Variants in LHFPL1 observed in about 807,000 individuals in gnomAD.
The protein encoded by LHFPL1 is LHFPL tetraspan subfamily member 1 protein.
LHFPL1 carries 4 observed loss-of-function variants against 12.1 expected under a neutral mutation model. The ratio of observed to expected loss-of-function variants is 0.33; its 90% CI spans 0.16 to 0.76. The LOEUF is 0.76. Among genes scored for constraint, LHFPL1 ranks in the 30% least tolerant of loss-of-function variants. The pLI, the probability that LHFPL1 is intolerant of heterozygous loss-of-function variation, is 0.61. For missense variants in LHFPL1, 141 were observed against 174.1 expected (o/e 0.81, Z 1.07); for synonymous variants, 52 against 61.9 (o/e 0.84, Z 0.75).
intron 2 of LHFPL1, among the ~76,000 whole-genome samples, chrX:112,661,215 C>A (rs905098443): frequency 9.0e-6 from 1 of 111,294 alleles, no homozygotes; most frequent in African/African-American, 3.3e-5. Flanking sequence ...ACTCCTCCCC[C>A]GATAAATCAT....
chrX:112,653,233 T>G (rs778972477), intron 3 of LHFPL1, among the ~76,000 whole-genome samples: 3 of 111,783 alleles, frequency 2.7e-5, no homozygotes, highest in African/African-American at 9.7e-5. Flanking sequence ...ATGATAGCAA[T>G]TATTATTACG....
intron 3 of LHFPL1, among the ~76,000 whole-genome samples, chrX:112,644,361 T>C (rs1008689886): frequency 1.8e-5 from 2 of 111,799 alleles, no homozygotes; most frequent in Non-Finnish European, 3.8e-5. Context: ...TAGTTTTTAT[T>C]GTACATTTTT....
rs956640255 is a variant in LHFPL1, at chrX:112,660,524, G to C, written c.481+103C>G. 8 of 619,543 alleles carry C rather than the reference G, an allele frequency of 1.3e-5. No individual in the cohort carries two copies. In the Admixed American group the frequency reaches 1.7e-4, roughly 13 times the overall value. The allele number at this position is 619,543 out of a possible 1,213,427, so 51.1% of individuals were successfully genotyped here. A position where few individuals can be genotyped will look rare whatever the true frequency, so the allele number is the denominator to read the frequency against. Reference sequence around the variant, plus strand: ...TCCCATAAGCTAACACAGTGAGAGAGATTCAGGCAAGTACCACTAGCAGAG... The same window carrying C: ...TCCCATAAGCTAACACAGTGAGAGACATTCAGGCAAGTACCACTAGCAGAG... On this transcript the variant is annotated intron_variant, in intron 3 of 3. Transcript: ENST00000371968.
intron 2 of LHFPL1, among the ~76,000 whole-genome samples, chrX:112,670,709 A>G (rs1463115126): frequency 8.9e-6 from 1 of 112,336 alleles, no homozygotes; most frequent in East Asian, 2.8e-4. Flanking sequence ...TGGAAGGCAG[A>G]CATATTAATA....
At position 112,674,972 on chromosome X, in the gene LHFPL1, G is replaced by A. The variant is rs781248828; in HGVS notation, c.-14-3568C>T. Among the ~76,000 whole-genome samples, 191 of 111,600 alleles carry A rather than the reference G, an allele frequency of 1.7e-3. 2 individuals carry two copies. The highest frequency in any genetic ancestry group is 5.8e-3 in the African/African-American group (177 of 30,711). On this transcript the variant is annotated intron_variant, in intron 1 of 3. Coordinates refer to ENST00000371968, the MANE Select transcript of LHFPL1 (RefSeq NM_178175.4). ...GAGAAAAAGAAGTCATTATTGCAGCGACCTGGATGAGATTGGAGACTATTA... is the reference window on the plus strand; with the variant it reads ...GAGAAAAAGAAGTCATTATTGCAGCAACCTGGATGAGATTGGAGACTATTA...
chrX:112,632,289 G>C (rs1274459123), intron 3 of LHFPL1, among the ~76,000 whole-genome samples: 1 of 111,715 alleles, frequency 9.0e-6, no homozygotes, highest in Non-Finnish European at 1.9e-5. Context: ...GAAGTGGGTA[G>C]TTTTCTCTTT....
At chrX:112,642,873 C>A (rs769581178) in intron 3 of LHFPL1, among the ~76,000 whole-genome samples, 29 of 110,854 alleles carry the variant, frequency 2.6e-4, no homozygotes, top group Non-Finnish European at 4.5e-4. Flanking sequence ...CTTTAAGCAC[C>A]TCACTATTTT....
chrX:112,637,775 C>G (rs1036368316), intron 3 of LHFPL1, among the ~76,000 whole-genome samples: 3 of 111,965 alleles, frequency 2.7e-5, no homozygotes, highest in African/African-American at 9.7e-5. Flanking sequence ...ATAATGACAA[C>G]TAACACCTCC....
At chrX:112,664,223 G>A (rs1047536149) in intron 2 of LHFPL1, among the ~76,000 whole-genome samples, 8 of 112,085 alleles carry the variant, frequency 7.1e-5, no homozygotes, top group Non-Finnish European at 1.5e-4. Context: ...CTACAGATAC[G>A]GAAGGCTGAC....
chrX:112,663,579 T>C (rs898504729), intron 2 of LHFPL1, among the ~76,000 whole-genome samples: 2 of 111,651 alleles, frequency 1.8e-5, no homozygotes, highest in Admixed American at 9.5e-5. Context: ...GTTACAGATG[T>C]GAATGTTGAA....
At chrX:112,637,479 AT>A (rs967001510) in intron 3 of LHFPL1, among the ~76,000 whole-genome samples, 1 of 111,725 alleles carries the variant, frequency 9.0e-6, no homozygotes, top group African/African-American at 3.3e-5. Context: ...GGGCATCAAA[AT>A]TATGGACCGG....
chrX:112,643,378 CAAAAAAAAA>C (rs1164744066), intron 3 of LHFPL1, among the ~76,000 whole-genome samples: 47 of 38,941 alleles, frequency 1.2e-3, no homozygotes, highest in African/African-American at 3.8e-3. Flanking sequence ...GACTCCGTCT[CAAAAAAAAA>C]AAAAAAAAAA....
At chrX:112,668,618 A>G (rs1274146566) in intron 2 of LHFPL1, among the ~76,000 whole-genome samples, 1 of 112,916 alleles carries the variant, frequency 8.9e-6, no homozygotes, top group African/African-American at 3.2e-5. Flanking sequence ...TGGCAGAATC[A>G]TGTGAAACTA....
At chrX:112,652,244 C>T (rs1436341519) in intron 3 of LHFPL1, among the ~76,000 whole-genome samples, 3 of 112,059 alleles carry the variant, frequency 2.7e-5, no homozygotes, top group Non-Finnish European at 5.6e-5. Context: ...AATTAGACAC[C>T]ATCAGAACAT....
rs1049642793 is a variant in LHFPL1 at position 112,647,235 on chromosome X, T to C, written c.481+13392A>G. On this transcript the variant is annotated intron_variant, in intron 3 of 3. Coordinates refer to ENST00000371968, the MANE Select transcript of LHFPL1 (RefSeq NM_178175.4). ...ACCATAAAAACCCTAGAAGAAAACC[T>C]AGGCAATACCATTCAGGACATAGGC... Among the ~76,000 whole-genome samples the C allele has an allele frequency of 4.5e-5, 5 of 111,969 alleles. No individual in the cohort carries two copies. The East Asian group carries it at 8.4e-4, about 19-fold the overall frequency.
chrX:112,668,358 C>T (rs1188381686), intron 2 of LHFPL1, among the ~76,000 whole-genome samples: 1 of 112,221 alleles, frequency 8.9e-6, no homozygotes, highest in Non-Finnish European at 1.9e-5. Context: ...TGGACAGCCA[C>T]CAGTCTCTAG....
At position 112,671,343 on chromosome X, in the gene LHFPL1, G is replaced by A. The variant is rs773238463; in HGVS notation, c.48C>T (p.Ser16=). The part of the protein sequence containing the change: ...TMVGTLWAFL[S]LVTAVTSSTS... ...TAGAACTGGTCACAGCAGTAACAAG[G>A]GACAGGAAGGCCCAGAGGGTTCCCA... Residue 16 remains serine, a synonymous_variant, in exon 2 of 4, where the codon TCC becomes TCT. Coordinates refer to ENST00000371968, the MANE Select transcript of LHFPL1 (RefSeq NM_178175.4). 3 of 1,211,757 alleles carry A rather than the reference G, an allele frequency of 2.5e-6. No homozygotes were observed. Among genetic ancestry groups the A allele is most frequent in the Non-Finnish European group, 3.4e-6 (3 of 895,396 alleles).
At chrX:112,646,921 T>C (rs1386644745) in intron 3 of LHFPL1, among the ~76,000 whole-genome samples, 1 of 111,840 alleles carries the variant, frequency 8.9e-6, no homozygotes, top group Non-Finnish European at 1.9e-5. Context: ...ACACAGGCAG[T>C]GAGTTAGAAG....
chrX:112,641,092 C>T (rs925305967), intron 3 of LHFPL1, among the ~76,000 whole-genome samples: 1 of 111,102 alleles, frequency 9.0e-6, no homozygotes, highest in African/African-American at 3.3e-5. Context: ...TAAATTAGCC[C>T]CATACCAGCA....
Sources: gnomAD v4.1 joint callset for allele counts (sites outside exome capture counted in the v4.1 genomes callset) on GRCh38, gnomAD v4.1.1 for gene constraint, MANE v1.5 for transcripts, NCBI Gene and HGNC (gene_info 2026-07-23, HGNC 2026-07-21) for gene names.